The following CCND3 variants were observed in gnomAD, a reference collection of about 807,000 sequenced individuals.
CCND3 encodes cyclin D3, also known as G1/S-specific cyclin-D3.
CCND3 carries 9 observed loss-of-function variants against 28.7 expected under a neutral mutation model. That is an observed-to-expected ratio of 0.31 (90% confidence interval 0.19 to 0.55). The LOEUF is 0.55. CCND3 is among the 20% of genes least tolerant of loss of function. The pLI is 0.93. For synonymous variants in CCND3, 164 were observed against 163.9 expected (o/e 1.00, Z 0.00); for missense variants, 315 against 385.8 (o/e 0.82, Z 1.54).
intron 1 of CCND3, among the ~76,000 whole-genome samples, chr6:41,957,149 G>C (rs913845759): frequency 3.0e-4 from 46 of 152,224 alleles, no homozygotes; most frequent in African/African-American, 1.1e-3. Context: ...TCCGTTGAAA[G>C]GCTGGGCCTA....
At position 41,941,174 on chromosome 6, in the gene CCND3, G is replaced by T; in HGVS notation, c.198+278C>A. 6.9e-7 allele frequency: 1 copy of T among 1,449,968 alleles called. No individual in the cohort carries two copies. The allele number at this position is 1,449,968 out of a possible 1,614,324, so 89.8% of individuals were successfully genotyped here. On this transcript the variant is annotated intron_variant, in intron 1 of 4. Transcript: ENST00000372991. The surrounding 1 kb of genome is among the most constrained non-coding windows in gnomAD (Gnocchi z 6.1). Reference sequence around the variant, plus strand: ...GAAGCGGGAGACGCTGTGAGAAGCCGAAGGGGAGAGAGTGTCCTTGGTCCC... The same window carrying T: ...GAAGCGGGAGACGCTGTGAGAAGCCTAAGGGGAGAGAGTGTCCTTGGTCCC...
intron 1 of CCND3, among the ~76,000 whole-genome samples, chr6:42,046,338 G>A (rs1764543285): frequency 6.6e-6 from 1 of 152,216 alleles, no homozygotes; most frequent in Non-Finnish European, 1.5e-5. Context: ...AGCTTTGGAA[G>A]CAGGAGCTGT....
At chr6:42,038,693 G>A (rs1764294011) in intron 1 of CCND3, among the ~76,000 whole-genome samples, 1 of 151,994 alleles carries the variant, frequency 6.6e-6, no homozygotes, top group Non-Finnish European at 1.5e-5. Flanking sequence ...CCTAATAATT[G>A]CCATAGAAAT....
chr6:41,946,237 C>T (rs1293549900), upstream of CCND3, among the ~76,000 whole-genome samples: 1 of 152,112 alleles, frequency 6.6e-6, no homozygotes, highest in Non-Finnish European at 1.5e-5. Flanking sequence ...GTTTAAAATA[C>T]ATAGAAGAGT....
intron 1 of CCND3, chr6:42,029,859 C>T (rs1480405593): frequency 1.4e-5 from 2 of 147,448 alleles, no homozygotes; most frequent in Non-Finnish European, 3.0e-5. Context: ...AAAAAAAATT[C>T]CTCTCACTGG....
At position 41,941,372 on chromosome 6, in the gene CCND3, G is replaced by A; in HGVS notation, c.198+80C>T. 1 of 1,564,230 alleles carries A rather than the reference G, an allele frequency of 6.4e-7. No homozygotes were observed. Among genetic ancestry groups the A allele is most frequent in the Non-Finnish European group, 8.6e-7 (1 of 1,159,456 alleles). On this transcript the variant is annotated intron_variant, in intron 1 of 4. Coordinates refer to ENST00000372991, the MANE Select transcript of CCND3 (RefSeq NM_001760.5). The surrounding 1 kb of genome is among the most constrained non-coding windows in gnomAD (Gnocchi z 6.1). ...GGAGCATCCTGCAGATTGCTGTGGGGACCGGGATGTCCCGACAGGGCGGCC... is the reference window on the plus strand; with the variant it reads ...GGAGCATCCTGCAGATTGCTGTGGGAACCGGGATGTCCCGACAGGGCGGCC...
At position 41,935,704 on chromosome 6, in the gene CCND3, G is replaced by C. The variant is rs1005997462; in HGVS notation, c.*236C>G. On this transcript the variant is annotated 3_prime_UTR_variant, in exon 5 of 5. Transcript: ENST00000372991. ...CCACCCCCAGCTAGAGTTGGGAAAG[G>C]CGCTGCTGGTCAGATGCAGGGAGGA... 1 of 543,710 alleles carries C rather than the reference G, an allele frequency of 1.8e-6. No individual in the cohort carries two copies. Among genetic ancestry groups the C allele is most frequent in the African/African-American group, 1.9e-5 (1 of 53,406 alleles). The allele number at this position is 543,710 out of a possible 1,614,324, so 33.7% of individuals were successfully genotyped here.
chr6:41,971,573 C>T (rs939064895), intron 1 of CCND3, among the ~76,000 whole-genome samples: 3 of 151,436 alleles, frequency 2.0e-5, no homozygotes, highest in Non-Finnish European at 4.4e-5. Flanking sequence ...GATAGAGTCT[C>T]GTTCTGTCGC....
At chr6:41,988,373 C>A (rs565519950) in intron 1 of CCND3, among the ~76,000 whole-genome samples, 1 of 152,206 alleles carries the variant, frequency 6.6e-6, no homozygotes, top group Non-Finnish European at 1.5e-5. Context: ...TCACCATCTT[C>A]TCTCAATCCT....
chr6:41,940,386 G>A lies in CCND3; in HGVS notation c.398C>T (p.Ser133Phe). 6.2e-7 allele frequency: 1 copy of A among 1,614,092 alleles called. No homozygotes were observed. Among genetic ancestry groups the A allele is most frequent in the Non-Finnish European group, 8.5e-7 (1 of 1,179,948 alleles). The change falls in exon 2 of 5, where the codon TCT becomes TTT. Residue 133 changes from serine to phenylalanine, a missense_variant. Coordinates refer to ENST00000372991, the MANE Select transcript of CCND3 (RefSeq NM_001760.5). ...KLCIYTDHAV[S>F]PRQLRDWEVL... The stretch of plus-strand genomic sequence containing the variant: ...CACACGCACCCGCAACTGGCGGGGA[G>A]AGACAGCGTGGTCGGTGTAGATGCA...
intron 1 of CCND3, among the ~76,000 whole-genome samples, chr6:41,958,395 G>A (rs1326425681): frequency 2.6e-5 from 4 of 152,038 alleles, no homozygotes; most frequent in Non-Finnish European, 5.9e-5. Flanking sequence ...CCCCAAACTC[G>A]AAAACCCCTG....
chr6:41,951,712 A>G (rs1471781360), intron 1 of CCND3, among the ~76,000 whole-genome samples: 2 of 151,952 alleles, frequency 1.3e-5, no homozygotes, highest in Non-Finnish European at 2.9e-5. Context: ...GAGCAATAAT[A>G]GTAATAATAC....
At chr6:42,005,670 C>T (rs1459528145) in intron 1 of CCND3, among the ~76,000 whole-genome samples, 3 of 151,608 alleles carry the variant, frequency 2.0e-5, no homozygotes, top group Non-Finnish European at 4.4e-5. Flanking sequence ...TAACCCTCGG[C>T]AACATGGTGA....
Position 41,936,635 on chromosome 6 carries a change from A to G in CCND3, c.635T>C (p.Val212Ala). 1 of 1,614,186 alleles carries G rather than the reference A, an allele frequency of 6.2e-7. No individual in the cohort carries two copies. Among genetic ancestry groups the G allele is most frequent in the East Asian group, 2.2e-5 (1 of 44,894 alleles). The change falls in exon 4 of 5, where the codon GTG (valine) becomes GCG (alanine). Residue 212 changes from valine to alanine, a missense_variant. Transcript: ENST00000372991. This position sits in a 1 kb window ranked among gnomAD's most constrained non-coding sequence, Gnocchi z 4.4. ...MIATGSIGAA[V>A]QGLGACSMSG... ...CATGGAGCAGGCACCCAGGCCTTGC[A>G]CTGCAGCCCCAATGCTGCCCGTGGC...
chr6:42,039,228 AATAGTAACTTTG>A (rs1454689089), intron 1 of CCND3, among the ~76,000 whole-genome samples: 1 of 152,230 alleles, frequency 6.6e-6, no homozygotes, highest in Admixed American at 6.5e-5. Flanking sequence ...TAGAGACTTT[AATAGTAACTTTG>A]ATGTGTGTCT....
intron 1 of CCND3, among the ~76,000 whole-genome samples, chr6:41,952,996 G>C (rs1434990789): frequency 6.6e-6 from 1 of 152,208 alleles, no homozygotes; most frequent in Non-Finnish European, 1.5e-5. Context: ...AAAACAGGGG[G>C]TGCAGTGGCT....
chr6:42,041,382 G>A (rs905917187), intron 1 of CCND3, among the ~76,000 whole-genome samples: 3 of 152,260 alleles, frequency 2.0e-5, no homozygotes, highest in Non-Finnish European at 2.9e-5. Context: ...CCCAGGACCA[G>A]CAGGTACCAG....
intron 1 of CCND3, among the ~76,000 whole-genome samples, chr6:41,976,326 T>C (rs1029371946): frequency 1.3e-5 from 2 of 151,466 alleles, no homozygotes; most frequent in Non-Finnish European, 2.9e-5. Flanking sequence ...CACTCCAGCC[T>C]GGGCGACAGA....
At chr6:41,969,685 G>A (rs1325849383) in intron 1 of CCND3, among the ~76,000 whole-genome samples, 3 of 151,800 alleles carry the variant, frequency 2.0e-5, no homozygotes, top group East Asian at 3.9e-4. Flanking sequence ...GCAGTGAGCC[G>A]AGATGGCACC....
Sources: allele counts gnomAD v4.1 joint callset (sites outside exome capture counted in the v4.1 genomes callset), GRCh38; gene constraint gnomAD v4.1.1; non-coding constraint Gnocchi (gnomAD v3.1); transcripts MANE v1.5; gene names NCBI Gene and HGNC (gene_info 2026-07-23, HGNC 2026-07-21).